Variants in MAST4 observed in about 807,000 individuals in gnomAD.
MAST4 encodes the protein microtubule-associated serine/threonine-protein kinase 4.
A neutral mutation model predicts 162.7 loss-of-function variants in MAST4; 89 were observed. The observed-to-expected ratio is 0.55, with a 90% CI of 0.46 to 0.65. The LOEUF (loss-of-function observed/expected upper bound fraction) is 0.65, where lower values mean the gene tolerates loss of function less well. Ranked by LOEUF, MAST4 falls within the 30% of genes least tolerant of loss-of-function variation. MAST4 has a pLI of 0.00. For synonymous variants in MAST4, 1,479 were observed against 1,361.1 expected (o/e 1.09, Z -1.91); for missense variants, 3,153 against 3,374.0 (o/e 0.93, Z 1.62).
chr5:66,677,878 T>C (rs993912668), intron 1 of MAST4, among the ~76,000 whole-genome samples: 1 of 152,106 alleles, frequency 6.6e-6, no homozygotes, highest in African/African-American at 2.4e-5. Context: ...TAGCTCTCTA[T>C]CAGAATTGCC....
intron 2 of MAST4, 43 bp from the exon 3 acceptor site, chr5:66,788,627 C>T (rs369593684): frequency 5.3e-5 from 52 of 973,078 alleles, no homozygotes; most frequent in Middle Eastern, 2.4e-4. Context: ...AGACTACTAC[C>T]GGCTGCCTGT....
At chr5:66,901,415 C>T (rs1339730891) in intron 4 of MAST4, among the ~76,000 whole-genome samples, 1 of 107,114 alleles carries the variant, frequency 9.3e-6, no homozygotes, top group Non-Finnish European at 2.1e-5. Flanking sequence ...TCCTCTTTTG[C>T]ACTTGAGTAA....
intron 1 of MAST4, among the ~76,000 whole-genome samples, chr5:66,674,980 C>T (rs1382269807): frequency 6.6e-6 from 1 of 152,166 alleles, no homozygotes; most frequent in East Asian, 1.9e-4. Flanking sequence ...AGAACACAGC[C>T]AGCTTGTGCT....
chr5:66,621,244 T>G (rs1051907772), intron 1 of MAST4, among the ~76,000 whole-genome samples: 2 of 152,218 alleles, frequency 1.3e-5, no homozygotes, highest in Admixed American at 1.3e-4. Flanking sequence ...AGAAGATGAT[T>G]ATATTCAAAA....
chr5:66,810,902 G>A (rs1216557093), intron 3 of MAST4, among the ~76,000 whole-genome samples: 1 of 152,190 alleles, frequency 6.6e-6, no homozygotes, highest in Non-Finnish European at 1.5e-5. Context: ...AGTCTCCAGA[G>A]GACTTCCCTG....
chr5:66,770,296 T>C (rs1754301872), intron 2 of MAST4, among the ~76,000 whole-genome samples: 1 of 152,258 alleles, frequency 6.6e-6, no homozygotes, highest in Non-Finnish European at 1.5e-5. Flanking sequence ...GATGTATTTT[T>C]GTAAGTGTTG....
chr5:67,112,282 G>A (rs997508071), intron 11 of MAST4, among the ~76,000 whole-genome samples: 4 of 152,124 alleles, frequency 2.6e-5, no homozygotes, highest in Non-Finnish European at 5.9e-5. Flanking sequence ...CTCCTGCTGT[G>A]CTCTCACAAC....
chr5:66,615,057 G>T lies in MAST4; in HGVS notation c.363+18039G>T, dbSNP rs561662902. Among the ~76,000 whole-genome samples the T allele has an allele frequency of 5.9e-5, 9 of 152,316 alleles. No individual in the cohort carries two copies. In the South Asian group the frequency reaches 8.3e-4, roughly 14 times the overall value. ...GATATTTGCCTGGCAGGCAACTGAAGCAGTTTGAAGTTGAGGCTCCTCTCA... is the reference window on the plus strand; with the variant it reads ...GATATTTGCCTGGCAGGCAACTGAATCAGTTTGAAGTTGAGGCTCCTCTCA... On this transcript the variant is annotated intron_variant, in intron 1 of 28. Transcript: ENST00000403625.
intron 2 of MAST4, among the ~76,000 whole-genome samples, chr5:66,788,108 T>A (rs1189666786): frequency 6.6e-6 from 1 of 152,164 alleles, no homozygotes; most frequent in African/African-American, 2.4e-5. Context: ...ATGTCCTGAT[T>A]TATGCAAATG....
chr5:66,898,017 T>C (rs1162589691), intron 3 of MAST4, among the ~76,000 whole-genome samples: 1 of 152,188 alleles, frequency 6.6e-6, no homozygotes, highest in Non-Finnish European at 1.5e-5. Flanking sequence ...TAACATCTGA[T>C]TTATTATTTT....
chr5:66,894,759 G>C (rs1295257099), intron 3 of MAST4, among the ~76,000 whole-genome samples: 1 of 152,212 alleles, frequency 6.6e-6, no homozygotes, highest in African/African-American at 2.4e-5. Flanking sequence ...GGGAGTGGTG[G>C]TGCAGAAGGC....
intron 1 of MAST4, among the ~76,000 whole-genome samples, chr5:66,670,666 C>T (rs1366609552): frequency 6.6e-6 from 1 of 151,932 alleles, no homozygotes; most frequent in Non-Finnish European, 1.5e-5. Context: ...CTATTTTGCA[C>T]TGACATCCCT....
chr5:66,897,237 C>G (rs1762740450), intron 3 of MAST4, among the ~76,000 whole-genome samples: 1 of 152,160 alleles, frequency 6.6e-6, no homozygotes, highest in Non-Finnish European at 1.5e-5. Context: ...CCACATATGT[C>G]AAGCACAAGC....
intron 3 of MAST4, among the ~76,000 whole-genome samples, chr5:66,819,796 C>T (rs1254213742): frequency 3.9e-5 from 5 of 129,226 alleles, no homozygotes; most frequent in Non-Finnish European, 8.1e-5. Context: ...TTTTTTCCAA[C>T]AGGGTCTCAC....
At chr5:66,910,129 A>G (rs1393210748) in intron 4 of MAST4, among the ~76,000 whole-genome samples, 1 of 152,234 alleles carries the variant, frequency 6.6e-6, no homozygotes, top group East Asian at 1.9e-4. Context: ...AATAAAGGGT[A>G]GACCTCACAG....
intron 1 of MAST4, among the ~76,000 whole-genome samples, chr5:66,676,591 T>C (rs576828779): frequency 6.6e-6 from 1 of 152,250 alleles, no homozygotes; most frequent in African/African-American, 2.4e-5. Flanking sequence ...TAGAGAGCAA[T>C]ATGAGACAGT....
At chr5:66,781,397 A>G (rs970393645) in intron 2 of MAST4, among the ~76,000 whole-genome samples, 4 of 152,244 alleles carry the variant, frequency 2.6e-5, no homozygotes, top group African/African-American at 9.6e-5. Flanking sequence ...GTAAAGATAT[A>G]GGACAAGAGA....
chr5:66,641,946 AAT>A (rs1436827631), intron 1 of MAST4, among the ~76,000 whole-genome samples: 1 of 152,240 alleles, frequency 6.6e-6, no homozygotes, highest in Non-Finnish European at 1.5e-5. Flanking sequence ...CCGGATGATG[AAT>A]AGTTAATAAT....
chr5:66,822,566 A>G (rs547480592), intron 3 of MAST4, among the ~76,000 whole-genome samples: 8 of 152,276 alleles, frequency 5.3e-5, no homozygotes, highest in Admixed American at 5.2e-4. Context: ...TTTAAGAGGA[A>G]AGTAGAAAGA....
Sources: gnomAD v4.1 joint callset for allele counts (sites outside exome capture counted in the v4.1 genomes callset) on GRCh38, gnomAD v4.1.1 for gene constraint, MANE v1.5 for transcripts, NCBI Gene and HGNC (gene_info 2026-07-23, HGNC 2026-07-21) for gene names.